The following FOXK2 variants were observed in gnomAD, a reference collection of about 807,000 sequenced individuals.
FOXK2 encodes forkhead box protein K2.
Under a neutral mutation model 53.3 loss-of-function variants are expected in FOXK2, and 24 were observed. The observed-to-expected ratio is 0.45, with a 90% CI of 0.33 to 0.63. FOXK2 has a LOEUF of 0.63. FOXK2 is among the 30% of genes least tolerant of loss of function. FOXK2 has a pLI of 0.03. For missense variants in FOXK2, 952 were observed against 910.5 expected, an observed-to-expected ratio of 1.05 and a Z score of -0.59; for synonymous variants, 505 against 407.1, an observed-to-expected ratio of 1.24 and a Z score of -2.89.
chr17:82,544,618 A>G (rs2044605656), intron 1 of FOXK2, among the ~76,000 whole-genome samples: 2 of 152,176 alleles, frequency 1.3e-5, no homozygotes, highest in Non-Finnish European at 2.9e-5. Context: ...ATTGAAGGGT[A>G]TAATTAGTTC....
intron 1 of FOXK2, among the ~76,000 whole-genome samples, chr17:82,532,969 A>T (rs765586222): frequency 1.6e-4 from 25 of 152,100 alleles, no homozygotes; most frequent in Non-Finnish European, 3.1e-4. Context: ...TAAGACTGAA[A>T]CACACACTAG....
At chr17:82,575,377 G>A (rs182559659) in intron 4 of FOXK2, among the ~76,000 whole-genome samples, 5 of 152,228 alleles carry the variant, frequency 3.3e-5, no homozygotes, top group Admixed American at 3.3e-4. Flanking sequence ...GCATAAATTC[G>A]TAGGTGCCCA....
intron 1 of FOXK2, among the ~76,000 whole-genome samples, chr17:82,522,656 C>T (rs1199606571): frequency 6.6e-6 from 1 of 151,924 alleles, no homozygotes; most frequent in Non-Finnish European, 1.5e-5. Flanking sequence ...CAGGCATGAG[C>T]CACTGTGCCT....
At chr17:82,583,202 T>C (rs1038333214) in intron 5 of FOXK2, among the ~76,000 whole-genome samples, 7 of 152,236 alleles carry the variant, frequency 4.6e-5, no homozygotes, top group African/African-American at 1.7e-4. Context: ...TTCATACCAG[T>C]GCCACGTCGA....
chr17:82,590,608 T>G (rs2045243519), intron 8 of FOXK2, among the ~76,000 whole-genome samples: 1 of 152,198 alleles, frequency 6.6e-6, no homozygotes, highest in South Asian at 2.1e-4. Flanking sequence ...TTTTCAGACA[T>G]GTAGGTGTAA....
chr17:82,586,605 G>T (rs1440225879), intron 7 of FOXK2, among the ~76,000 whole-genome samples: 1 of 151,970 alleles, frequency 6.6e-6, no homozygotes, highest in Non-Finnish European at 1.5e-5. Context: ...AAGTCCATAA[G>T]ATTTGCTCAT....
At chr17:82,523,993 C>T (rs1034051204) in intron 1 of FOXK2, among the ~76,000 whole-genome samples, 1 of 152,172 alleles carries the variant, frequency 6.6e-6, no homozygotes, top group African/African-American at 2.4e-5. Flanking sequence ...CTCTTGGATT[C>T]AAGCCATTCT....
In FOXK2 at chr17:82,601,193, CAT is replaced by C. The variant is rs1343971989; in HGVS notation, c.1787-109_1787-108del. 65 of 1,185,630 alleles carry C rather than the reference CAT, an allele frequency of 5.5e-5. 1 individual carries two copies. The Middle Eastern group carries it at 1.8e-3, about 32-fold the overall frequency. 73.4% of individuals were successfully genotyped at this position (1,185,630 alleles called of 1,614,324 possible). A position where few individuals can be genotyped will look rare whatever the true frequency, so the allele number is the denominator to read the frequency against. On this transcript the variant is annotated intron_variant, in intron 8 of 8. Transcript: ENST00000335255. ...AGGACCCTTAGAGGGCGAGAGTTCA[CAT>C]GAGAGCGTGGGGTTCTGACTCGCGA...
chr17:82,533,361 A>C lies in FOXK2; in HGVS notation c.419+13054A>C, dbSNP rs576958996. On this transcript the variant is annotated intron_variant, in intron 1 of 8. Coordinates refer to ENST00000335255, the MANE Select transcript of FOXK2 (RefSeq NM_004514.4). ...AAAAATTAGCCAGGCATGGTAGCAC[A>C]CGCCTGTAATCCCAGCTACTCGGGA... Among the ~76,000 whole-genome samples the C allele has an allele frequency of 3.3e-5, 5 of 152,156 alleles. 1 individual carries two copies. The South Asian group carries it at 1.0e-3, about 32-fold the overall frequency.
intron 1 of FOXK2, among the ~76,000 whole-genome samples, chr17:82,561,298 A>T (rs989781856): frequency 6.6e-6 from 1 of 151,934 alleles, no homozygotes; most frequent in African/African-American, 2.4e-5. Context: ...CCCAGTGTTG[A>T]TGCATATGAG....
At chr17:82,549,386 GA>G (rs961944181) in intron 1 of FOXK2, among the ~76,000 whole-genome samples, 11 of 152,126 alleles carry the variant, frequency 7.2e-5, no homozygotes, top group African/African-American at 2.7e-4. Flanking sequence ...GCAAATGGGA[GA>G]GGGGGGCCAA....
At chr17:82,520,358 G>C in intron 1 of FOXK2, 51 bp downstream of exon 1, 1 of 1,227,280 alleles carries the variant, frequency 8.1e-7, no homozygotes, top group Non-Finnish European at 1.0e-6. Context: ...GCAGCGCCTG[G>C]CAGGACGGGA....
intron 1 of FOXK2, among the ~76,000 whole-genome samples, chr17:82,522,618 G>A (rs916329318): frequency 2.6e-5 from 4 of 151,594 alleles, no homozygotes; most frequent in Admixed American, 2.0e-4. Context: ...TGATCTGCCC[G>A]CCTCGGCCTC....
At chr17:82,546,575 GC>G (rs1355917379) in intron 1 of FOXK2, among the ~76,000 whole-genome samples, 2 of 152,050 alleles carry the variant, frequency 1.3e-5, no homozygotes, top group African/African-American at 4.8e-5. Context: ...TCTGTAGAGT[GC>G]CCCAAGAGTG....
At chr17:82,598,985 G>A (rs561976932) in intron 8 of FOXK2, 4 of 152,292 alleles carry the variant, frequency 2.6e-5, no homozygotes, top group Non-Finnish European at 4.4e-5. Context: ...GCGGCCTCCC[G>A]TGCCTCCCCT....
At chr17:82,557,190 G>A (rs140640968) in intron 1 of FOXK2, among the ~76,000 whole-genome samples, 5,995 of 150,028 alleles carry the variant, frequency 0.04, 173 homozygotes, top group South Asian at 0.077. Flanking sequence ...GTACCACCAC[G>A]CCTGGCTAAT....
chr17:82,596,289 G>C (rs371065202), intron 8 of FOXK2: 1 of 827,122 alleles, frequency 1.2e-6, no homozygotes, highest in Non-Finnish European at 1.5e-6. Context: ...TCTGGAACAC[G>C]TTCCTTGCCC....
chr17:82,542,992 A>T (rs1369722291), intron 1 of FOXK2, among the ~76,000 whole-genome samples: 1 of 152,178 alleles, frequency 6.6e-6, no homozygotes. Context: ...AACCCTGTAT[A>T]AATGAATAAA....
Position 82,575,845 on chromosome 17 carries a change from T to C in FOXK2, c.909+3975T>C, listed in dbSNP as rs549230222. ...TGAAGAAGAGATAAAGAGATGCAGA[T>C]GCGCAAAGATTCACGCAGAGCCTGC... On this transcript the variant is annotated intron_variant, in intron 4 of 8. Coordinates refer to ENST00000335255, the MANE Select transcript of FOXK2 (RefSeq NM_004514.4). 5.9e-5 allele frequency among the ~76,000 whole-genome samples: 9 copies of C among 152,330 alleles called. No homozygotes were observed. The East Asian group carries it at 1.7e-3, about 29-fold the overall frequency.
Sources: allele counts gnomAD v4.1 joint callset (sites outside exome capture counted in the v4.1 genomes callset), GRCh38; gene constraint gnomAD v4.1.1; transcripts MANE v1.5; gene names NCBI Gene and HGNC (gene_info 2026-07-23, HGNC 2026-07-21).